HLCS: variants seen among roughly 807,000 people sequenced by gnomAD.
The protein encoded by HLCS is biotin--protein ligase.
HLCS carries 53 observed loss-of-function variants against 75.0 expected under a neutral mutation model. The ratio of observed to expected loss-of-function variants is 0.71; its 90% CI spans 0.57 to 0.89. HLCS has a LOEUF of 0.89. HLCS is among the 40% of genes least tolerant of loss of function. The probability of loss-of-function intolerance (pLI) is 0.00; values close to 1 mark genes in which losing one functional copy is unlikely to be tolerated. For missense variants in HLCS, 966 were observed against 1,074.0 expected (o/e 0.90, Z 1.41); for synonymous variants, 431 against 428.6 (o/e 1.01, Z -0.07).
intron 6 of HLCS, among the ~76,000 whole-genome samples, chr21:36,856,390 G>C (rs980480845): frequency 3.9e-5 from 6 of 152,164 alleles, no homozygotes; most frequent in Admixed American, 2.0e-4. Flanking sequence ...TGAAGTATCA[G>C]AACACTTCTG....
intron 5 of HLCS, among the ~76,000 whole-genome samples, chr21:36,915,677 C>T (rs1383108577): frequency 2.0e-5 from 3 of 152,192 alleles, no homozygotes; most frequent in Non-Finnish European, 4.4e-5. Context: ...TAATAACACA[C>T]AAAACAATTC....
chr21:36,881,978 G>C (rs533470157), intron 6 of HLCS, among the ~76,000 whole-genome samples: 1 of 152,102 alleles, frequency 6.6e-6, no homozygotes, highest in Non-Finnish European at 1.5e-5. Context: ...ACTCCAGCTT[G>C]AGCAAGAGTG....
At position 36,751,658 on chromosome 21, in the gene HLCS, C is replaced by G. The variant is rs973759174; in HGVS notation, c.*2588G>C. On this transcript the variant is annotated 3_prime_UTR_variant, in exon 11 of 11. Transcript: ENST00000674895. ...TTTGCACACAAATCCTTCCTACTTC[C>G]ACCACTCCCTAGCAGAGTTCCCAGT... 2.0e-5 allele frequency: 3 copies of G among 152,282 alleles called. No homozygotes were observed. The highest frequency in any genetic ancestry group is 7.2e-5 in the African/African-American group (3 of 41,452). The allele number at this position is 152,282 out of a possible 1,614,324, so 9.4% of individuals were successfully genotyped here. A position where few individuals can be genotyped will look rare whatever the true frequency, so the allele number is the denominator to read the frequency against.
At chr21:36,814,038 G>T (rs1436614758) in intron 6 of HLCS, among the ~76,000 whole-genome samples, 1 of 152,118 alleles carries the variant, frequency 6.6e-6, no homozygotes, top group Admixed American at 6.6e-5. Flanking sequence ...GGTCAGTGTG[G>T]GTTTCCCAGA....
intron 7 of HLCS, 113 bp from the exon 8 acceptor site, chr21:36,765,285 T>C: frequency 2.0e-6 from 2 of 981,836 alleles, no homozygotes; most frequent in Non-Finnish European, 3.2e-6. Context: ...ACAATGCTTA[T>C]TGTATTACAA....
chr21:36,776,623 T>C (rs552754430), intron 6 of HLCS, among the ~76,000 whole-genome samples: 82 of 152,196 alleles, frequency 5.4e-4, no homozygotes, highest in Non-Finnish European at 1.0e-3. Flanking sequence ...CCACGTTGGT[T>C]GGGCTGGTCT....
chr21:36,977,431 A>ACT (rs1161031364), intron 1 of HLCS, among the ~76,000 whole-genome samples: 2 of 152,006 alleles, frequency 1.3e-5, no homozygotes, highest in Non-Finnish European at 2.9e-5. Context: ...GGGGAGCCCC[A>ACT]CTCCTAATAT....
intron 6 of HLCS, among the ~76,000 whole-genome samples, chr21:36,857,509 T>C (rs183598222): frequency 2.0e-5 from 3 of 152,264 alleles, no homozygotes; most frequent in African/African-American, 7.2e-5. Context: ...TCCAGCTAGG[T>C]TACCAATGAT....
At chr21:36,864,395 CAA>C (rs754420645) in intron 6 of HLCS, among the ~76,000 whole-genome samples, 6 of 127,216 alleles carry the variant, frequency 4.7e-5, no homozygotes, top group Admixed American at 8.1e-5. Context: ...GACTACGTCT[CAA>C]AAAAAAAAAA....
At chr21:36,886,432 C>CAAAA (rs11297170) in intron 6 of HLCS, among the ~76,000 whole-genome samples, 2 of 66,910 alleles carry the variant, frequency 3.0e-5, no homozygotes, top group African/African-American at 1.2e-4. Flanking sequence ...GACTCCATCT[C>CAAAA]AAAAAAAAAA....
At chr21:36,813,174 A>G (rs2061561022) in intron 6 of HLCS, among the ~76,000 whole-genome samples, 1 of 152,230 alleles carries the variant, frequency 6.6e-6, no homozygotes, top group Non-Finnish European at 1.5e-5. Flanking sequence ...GTAACGAGGA[A>G]TGTCACTTTA....
chr21:36,912,904 G>T (rs189563153), intron 5 of HLCS, among the ~76,000 whole-genome samples: 1 of 152,108 alleles, frequency 6.6e-6, no homozygotes, highest in Non-Finnish European at 1.5e-5. Flanking sequence ...GCCACTCAAA[G>T]GACCTCTCAG....
At chr21:36,930,077 A>T (rs1312243903) in intron 5 of HLCS, among the ~76,000 whole-genome samples, 174 bp downstream of exon 5, 1 of 152,190 alleles carries the variant, frequency 6.6e-6, no homozygotes, top group Non-Finnish European at 1.5e-5. Context: ...CTTATATATA[A>T]TCCTCCCCCA....
At chr21:36,908,060 C>A (rs1017910971) in intron 5 of HLCS, among the ~76,000 whole-genome samples, 3 of 151,252 alleles carry the variant, frequency 2.0e-5, no homozygotes, top group African/African-American at 7.3e-5. Flanking sequence ...CAGAGCAAGA[C>A]CCTGTCTCCA....
In HLCS at chr21:36,888,852, C is replaced by T. The variant is rs182886593; in HGVS notation, c.1892+8008G>A. Among the ~76,000 whole-genome samples, 13 of 152,162 alleles carry T rather than the reference C, an allele frequency of 8.5e-5. No individual in the cohort carries two copies. In the East Asian group the frequency reaches 2.1e-3, roughly 25 times the overall value. ...TTCCAGCATTTTCCCTACTAGATTA[C>T]GAGCTCTACAGCATCAGAAACAAGG... On this transcript the variant is annotated intron_variant, in intron 6 of 10. Transcript: ENST00000674895.
At chr21:36,833,593 T>TTATATA (rs56412653) in intron 6 of HLCS, among the ~76,000 whole-genome samples, 18,713 of 139,720 alleles carry the variant, frequency 0.13, 1,364 homozygotes, top group African/African-American at 0.19. Flanking sequence ...TAAAAAAAAA[T>TTATATA]TATATATATA....
intron 1 of HLCS, among the ~76,000 whole-genome samples, chr21:36,989,356 T>G (rs1383837374): frequency 1.5e-5 from 2 of 133,950 alleles, no homozygotes; most frequent in Non-Finnish European, 3.1e-5. Flanking sequence ...CGGAGTTCGC[T>G]CTTGTCGTCC....
At chr21:36,822,274 G>T (rs1429995411) in intron 6 of HLCS, among the ~76,000 whole-genome samples, 1 of 152,080 alleles carries the variant, frequency 6.6e-6, no homozygotes, top group Non-Finnish European at 1.5e-5. Context: ...ACAAAAATTA[G>T]CCAGGCATGG....
chr21:36,856,162 C>G (rs1400573292), intron 6 of HLCS, among the ~76,000 whole-genome samples: 3 of 152,114 alleles, frequency 2.0e-5, no homozygotes, highest in Admixed American at 2.0e-4. Flanking sequence ...GATGACCATA[C>G]AAGTGAGAAT....
Sources: gnomAD v4.1 joint callset for allele counts (sites outside exome capture counted in the v4.1 genomes callset) on GRCh38, gnomAD v4.1.1 for gene constraint, MANE v1.5 for transcripts, NCBI Gene and HGNC (gene_info 2026-07-23, HGNC 2026-07-21) for gene names.